DSC3: variants seen among roughly 807,000 people sequenced by gnomAD.
DSC3 encodes desmocollin-3.
DSC3 carries 97 observed loss-of-function variants against 89.5 expected under a neutral mutation model. The observed-to-expected ratio is 1.08, with a 90% CI of 0.92 to 1.28. The LOEUF is 1.28. Among genes scored for constraint, DSC3 ranks in the 50% most tolerant of loss-of-function variants. The pLI is 0.00. For missense variants in DSC3, 1,199 were observed against 1,085.3 expected, an observed-to-expected ratio of 1.10 and a Z score of -1.47; for synonymous variants, 436 against 384.1, an observed-to-expected ratio of 1.14 and a Z score of -1.58.
intron 1 of DSC3, among the ~76,000 whole-genome samples, chr18:31,037,627 C>T (rs1029691034): frequency 2.0e-5 from 3 of 151,994 alleles, no homozygotes; most frequent in African/African-American, 7.2e-5. Context: ...CTTGGCCAGG[C>T]GCAGTGGCTC....
At chr18:31,038,916 C>T (rs1986051326) in intron 1 of DSC3, among the ~76,000 whole-genome samples, 1 of 151,950 alleles carries the variant, frequency 6.6e-6, no homozygotes, top group Non-Finnish European at 1.5e-5. Flanking sequence ...ATTCAATAGA[C>T]TTCAGTTATA....
intron 1 of DSC3, among the ~76,000 whole-genome samples, chr18:31,034,278 A>T (rs1202811857): frequency 6.6e-6 from 1 of 152,228 alleles, no homozygotes; most frequent in Non-Finnish European, 1.5e-5. Context: ...CAAAAAGTAG[A>T]TGAAAAGATG....
At chr18:31,015,051 C>T (rs541786200) in intron 9 of DSC3, among the ~76,000 whole-genome samples, 9 of 152,180 alleles carry the variant, frequency 5.9e-5, no homozygotes, top group South Asian at 2.1e-4. Flanking sequence ...ATAAAAGGAA[C>T]TTGATTCATG....
chr18:31,042,553 C>A (rs1394721904), intron 1 of DSC3, 39 bp downstream of exon 1: 2 of 1,542,400 alleles, frequency 1.3e-6, no homozygotes, highest in South Asian at 1.2e-5. Flanking sequence ...GATCCACCCC[C>A]GTCCCCACCC....
At chr18:31,030,145 C>T (rs1230511408) in intron 3 of DSC3, among the ~76,000 whole-genome samples, 1 of 152,122 alleles carries the variant, frequency 6.6e-6, no homozygotes, top group African/African-American at 2.4e-5. Context: ...ACATAAGAAG[C>T]TCTATCCTTT....
In DSC3 at chr18:30,989,745, T is replaced by G. The variant is rs1479616473; in HGVS notation, c.*4430A>C. Among the ~76,000 whole-genome samples, 1 of 152,198 alleles carries G rather than the reference T, an allele frequency of 6.6e-6. No homozygotes were observed. Among genetic ancestry groups the G allele is most frequent in the Non-Finnish European group, 1.5e-5 (1 of 68,030 alleles). ...CATGTTCTGAATACTATTTAATTTTTCTGCCCATGAAACCAAGCCTAATTC... is the reference window on the plus strand; with the variant it reads ...CATGTTCTGAATACTATTTAATTTTGCTGCCCATGAAACCAAGCCTAATTC... On this transcript the variant is annotated 3_prime_UTR_variant, in exon 16 of 16. Coordinates refer to ENST00000360428, the MANE Select transcript of DSC3 (RefSeq NM_001941.5).
chr18:31,029,761 AC>A, intron 3 of DSC3, 133 bp from the exon 4 acceptor site: 1 of 1,117,162 alleles, frequency 9.0e-7, no homozygotes, highest in Admixed American at 1.9e-5. Flanking sequence ...CTGGAGCTAA[AC>A]CAGTTAATAA....
chr18:31,042,674 A>G lies in DSC3; in HGVS notation c.-14T>C. The G allele has an allele frequency of 6.5e-7, 1 of 1,547,332 alleles. No homozygotes were observed. The highest frequency in any genetic ancestry group is 1.2e-5 in the South Asian group (1 of 83,898). On this transcript the variant is annotated 5_prime_UTR_variant, in exon 1 of 16. Coordinates refer to ENST00000360428, the MANE Select transcript of DSC3 (RefSeq NM_001941.5). ...AGCGGCGGCCATCGGGATGCCGGGC[A>G]GGGCCAGGAGAACGCGGGCGCCGGG... is the stretch of plus-strand genomic sequence containing the variant.
Position 31,026,048 on chromosome 18 carries a change from C to A in DSC3, c.475-133G>T, listed in dbSNP as rs961295296. On this transcript the variant is annotated intron_variant, in intron 4 of 15. Coordinates refer to ENST00000360428, the MANE Select transcript of DSC3 (RefSeq NM_001941.5). ...AAAAGGTAGAAAAGAACAATAATAACCATTGTTGGCAAGAGTAAGGCAAAC... is the reference window on the plus strand; with the variant it reads ...AAAAGGTAGAAAAGAACAATAATAAACATTGTTGGCAAGAGTAAGGCAAAC... 2.1e-5 allele frequency: 19 copies of A among 920,236 alleles called. No individual in the cohort carries two copies. In the African/African-American group the frequency reaches 3.2e-4, roughly 16 times the overall value. 57.0% of individuals were successfully genotyped at this position (920,236 alleles called of 1,614,324 possible).
chr18:31,025,616 A>G (rs1985570479), intron 5 of DSC3, 144 bp downstream of exon 5: 1 of 891,504 alleles, frequency 1.1e-6, no homozygotes, highest in African/African-American at 1.7e-5. Context: ...AAGTATTCCA[A>G]AATGTTGCAC....
At chr18:31,016,142 T>C (rs910688677) in intron 9 of DSC3, among the ~76,000 whole-genome samples, 1 of 152,136 alleles carries the variant, frequency 6.6e-6, no homozygotes, top group Non-Finnish European at 1.5e-5. Context: ...CTGCCAGTTT[T>C]CCAGAAAATG....
At chr18:30,995,653 G>A (rs530196184) in intron 15 of DSC3, among the ~76,000 whole-genome samples, 20 of 152,192 alleles carry the variant, frequency 1.3e-4, no homozygotes, top group African/African-American at 4.8e-4. Flanking sequence ...GTAGAACACA[G>A]CCATTAGTTA....
intron 7 of DSC3, 114 bp from the exon 8 acceptor site, chr18:31,018,914 G>A: frequency 2.0e-6 from 2 of 1,010,026 alleles, no homozygotes; most frequent in Non-Finnish European, 3.0e-6. Context: ...GTGTTTCCGT[G>A]CTTTTACCTG....
At chr18:30,995,938 C>CTCCA (rs1289117728) in intron 15 of DSC3, among the ~76,000 whole-genome samples, 29 of 124,992 alleles carry the variant, frequency 2.3e-4, no homozygotes, top group Non-Finnish European at 4.4e-4. Flanking sequence ...CACCACTGAA[C>CTCCA]TCCAGCCTCA....
intron 4 of DSC3, among the ~76,000 whole-genome samples, chr18:31,027,252 A>G (rs527867283): frequency 6.6e-6 from 1 of 152,270 alleles, no homozygotes; most frequent in African/African-American, 2.4e-5. Flanking sequence ...GAATCTCTTG[A>G]AACCAGAGTT....
chr18:30,998,873 A>G (rs1984561079), intron 14 of DSC3, among the ~76,000 whole-genome samples: 1 of 152,226 alleles, frequency 6.6e-6, no homozygotes, highest in African/African-American at 2.4e-5. Flanking sequence ...ATAGCCATTG[A>G]TGAGCTTTGC....
At chr18:31,012,090 T>A (rs1019837109) in intron 9 of DSC3, among the ~76,000 whole-genome samples, 1 of 151,612 alleles carries the variant, frequency 6.6e-6, no homozygotes, top group African/African-American at 2.4e-5. Context: ...AGCCCTGTGA[T>A]AATAATTCAG....
chr18:31,023,114 T>TC (rs1491588344), intron 6 of DSC3, among the ~76,000 whole-genome samples: 1 of 152,012 alleles, frequency 6.6e-6, no homozygotes, highest in Non-Finnish European at 1.5e-5. Flanking sequence ...CCTTTTTTTT[T>TC]CTCTGTTACT....
rs139213352 is a variant in DSC3 at position 31,031,129 on chromosome 18, T to C, written c.198A>G (p.Ser66=). 23 of 1,613,416 alleles carry C rather than the reference T, an allele frequency of 1.4e-5. No homozygotes were observed. In the African/African-American group the frequency reaches 3.1e-4, roughly 22 times the overall value. ...TTAGAACTCTGAAATCAGGATCACT[T>C]GACCGGATGAGGTCTGCAGACCTGA... ...ECFRSADLIR[S]SDPDFRVLND... The change falls in exon 3 of 16, where the codon TCA becomes TCG. Residue 66 remains serine (S), a synonymous_variant. Transcript: ENST00000360428.
Sources: gnomAD v4.1 joint callset for allele counts (sites outside exome capture counted in the v4.1 genomes callset) on GRCh38, gnomAD v4.1.1 for gene constraint, MANE v1.5 for transcripts, NCBI Gene and HGNC (gene_info 2026-07-23, HGNC 2026-07-21) for gene names.